The following EHD4 variants were observed in gnomAD, a reference collection of about 807,000 sequenced individuals.
The protein encoded by EHD4 is EH domain-containing protein 4.
A neutral mutation model predicts 51.0 loss-of-function variants in EHD4; 37 were observed. The ratio of observed to expected loss-of-function variants is 0.73; its 90% confidence interval spans 0.56 to 0.95. The LOEUF (loss-of-function observed/expected upper bound fraction) is 0.95. Among genes scored for constraint, EHD4 ranks in the 40% least tolerant of loss-of-function variants. EHD4 has a pLI of 0.00. For synonymous variants in EHD4, 297 were observed against 317.3 expected (o/e 0.94, Z 0.68); for missense variants, 632 against 733.1 (o/e 0.86, Z 1.59).
intron 5 of EHD4, among the ~76,000 whole-genome samples, chr15:41,904,649 A>C (rs754046079): frequency 6.6e-6 from 1 of 152,180 alleles, no homozygotes; most frequent in Non-Finnish European, 1.5e-5. Flanking sequence ...CATTAACCAG[A>C]AGAGTTTTCA....
At position 41,972,324 on chromosome 15, in the gene EHD4, G is replaced by A. The variant is rs2068003262; in HGVS notation, c.171C>T (p.Asp57=). Residue 57 remains aspartate, a synonymous_variant, in exon 1 of 6, where the codon GAC becomes GAT. Transcript: ENST00000220325. ...EFHSPALEDA[D]FENKPMILLV... is the part of the protein sequence containing the mutation. ...GCAGGATCATGGGCTTGTTCTCGAA[G>A]TCGGCGTCCTCCAGCGCAGGCGAGT... 1 of 1,611,250 alleles carries A rather than the reference G, an allele frequency of 6.2e-7. No homozygotes were observed. The highest frequency in any genetic ancestry group is 8.5e-7 in the Non-Finnish European group (1 of 1,178,878).
chr15:41,928,782 G>A (rs2067679512), intron 3 of EHD4: 1 of 152,196 alleles, frequency 6.6e-6, no homozygotes, highest in Non-Finnish European at 1.5e-5. Context: ...CCGAGGAAGA[G>A]GCAGTCCCCA....
At chr15:41,945,447 C>G (rs992313051) in intron 2 of EHD4, among the ~76,000 whole-genome samples, 1 of 152,172 alleles carries the variant, frequency 6.6e-6, no homozygotes, top group Non-Finnish European at 1.5e-5. Flanking sequence ...ACATGGCATA[C>G]AAGCGGGCAA....
intron 4 of EHD4, 88 bp downstream of exon 4, chr15:41,919,122 C>T (rs1049693985): frequency 2.1e-5 from 33 of 1,543,516 alleles, no homozygotes; most frequent in Non-Finnish European, 2.7e-5. Flanking sequence ...CCTTCTGGAA[C>T]GAAGCCTCCT....
chr15:41,966,870 T>G (rs2067964839), intron 1 of EHD4, among the ~76,000 whole-genome samples: 1 of 152,208 alleles, frequency 6.6e-6, no homozygotes, highest in African/African-American at 2.4e-5. Context: ...TCTTTGGTAC[T>G]TTCCCCGGAG....
intron 2 of EHD4, among the ~76,000 whole-genome samples, chr15:41,949,789 A>G (rs924858533): frequency 6.6e-6 from 1 of 152,168 alleles, no homozygotes; most frequent in Non-Finnish European, 1.5e-5. Flanking sequence ...TATACACATT[A>G]CCATTTTTTA....
intron 1 of EHD4, among the ~76,000 whole-genome samples, chr15:41,958,762 G>A (rs755917070): frequency 5.3e-5 from 8 of 152,126 alleles, no homozygotes; most frequent in Non-Finnish European, 1.2e-4. Flanking sequence ...TTGAGGACTC[G>A]TTATGTGCTA....
rs1402624573 is a variant in EHD4, at chr15:41,972,417, G to T, written c.78C>A (p.Gly26=). The T allele has an allele frequency of 5.6e-6, 9 of 1,607,928 alleles. No individual in the cohort carries two copies. Among genetic ancestry groups the T allele is most frequent in the Non-Finnish European group, 7.6e-6 (9 of 1,177,906 alleles). ...GGADAVQTVT[G]GLRSLYLRKV... is the part of the protein sequence containing the mutation. ...TGCGCAGGTAGAGCGAGCGCAGCCC[G>T]CCCGTCACCGTCTGCACCGCGTCCG... The change falls in exon 1 of 6, where the codon GGC becomes GGA. Residue 26 remains glycine (G), a synonymous_variant. Coordinates refer to ENST00000220325, the MANE Select transcript of EHD4 (RefSeq NM_139265.4).
chr15:41,909,864 C>T lies in EHD4; in HGVS notation c.925-1G>A. ...GGTAGCTGATGATGTAGGCATGCAC[C>T]TGGAGGGGTATAGATCAGGCAGGGA... On this transcript the variant is annotated splice_acceptor_variant, in intron 4 of 5. Transcript: ENST00000220325. LOFTEE classifies it high-confidence loss of function. The T allele has an allele frequency of 6.2e-7, 1 of 1,614,176 alleles. No homozygotes were observed. The highest frequency in any genetic ancestry group is 2.2e-5 in the East Asian group (1 of 44,886).
rs1291090361 is a variant in EHD4, at chr15:41,900,694, G to T, written c.1577C>A (p.Pro526His). 3 of 1,606,416 alleles carry T rather than the reference G, an allele frequency of 1.9e-6. No individual in the cohort carries two copies. Among genetic ancestry groups the T allele is most frequent in the Non-Finnish European group, 1.7e-6 (2 of 1,179,202 alleles). ...DGYELPSSLP[P>H]HLVPPSHRKS... ...CCTGTGCGAGGGGGGCACGAGGTGG[G>T]GGGGCAGGCTGCTGGGCAGCTCGTA... Residue 526 changes from proline (P) to histidine (H), a missense_variant, in exon 6 of 6, where the codon CCC becomes CAC. Pro to His is a moderately conservative substitution (Grantham distance 77, BLOSUM62 -2). Coordinates refer to ENST00000220325, the MANE Select transcript of EHD4 (RefSeq NM_139265.4). This position sits in a 1 kb window ranked among gnomAD's most constrained non-coding sequence, Gnocchi z 4.8.
intron 3 of EHD4, among the ~76,000 whole-genome samples, chr15:41,930,152 T>C (rs2067688868): frequency 6.6e-6 from 1 of 152,236 alleles, no homozygotes; most frequent in Admixed American, 6.5e-5. Flanking sequence ...GGAAGGGTTG[T>C]GGAATGTATG....
At position 41,972,299 on chromosome 15, in the gene EHD4, G is replaced by A. The variant is rs375610735; in HGVS notation, c.196C>T (p.Leu66=). ...TTGCCGGTGCTGTACTGGCCCACCA[G>A]CAGGATCATGGGCTTGTTCTCGAAG... ...ADFENKPMIL[L]VGQYSTGKTT... The change falls in exon 1 of 6, where the codon CTG becomes TTG. Residue 66 remains leucine, a synonymous_variant. Coordinates refer to ENST00000220325, the MANE Select transcript of EHD4 (RefSeq NM_139265.4). 43 of 1,610,088 alleles carry A rather than the reference G, an allele frequency of 2.7e-5. No individual in the cohort carries two copies. The African/African-American group carries it at 4.8e-4, about 18-fold the overall frequency.
At chr15:41,931,016 G>A (rs953150005) in intron 3 of EHD4, among the ~76,000 whole-genome samples, 5 of 152,308 alleles carry the variant, frequency 3.3e-5, no homozygotes, top group Non-Finnish European at 4.4e-5. Context: ...AAACAGGCAT[G>A]CCTTCTACAG....
chr15:41,965,763 T>C (rs1380702371), intron 1 of EHD4, among the ~76,000 whole-genome samples: 1 of 152,322 alleles, frequency 6.6e-6, no homozygotes, highest in South Asian at 2.1e-4. Context: ...AGCTTCTGAA[T>C]GTGAGTTAGG....
At chr15:41,952,622 G>A (rs2067859672) in intron 2 of EHD4, among the ~76,000 whole-genome samples, 1 of 152,060 alleles carries the variant, frequency 6.6e-6, no homozygotes, top group African/African-American at 2.4e-5. Flanking sequence ...AAAGGTTATG[G>A]GAGGAGTACA....
intron 1 of EHD4, among the ~76,000 whole-genome samples, chr15:41,963,098 A>G (rs1201056259): frequency 3.3e-5 from 5 of 152,062 alleles, no homozygotes; most frequent in Non-Finnish European, 4.4e-5. Flanking sequence ...AAGGCAGCAT[A>G]CTCCTTAAGA....
intron 3 of EHD4, among the ~76,000 whole-genome samples, chr15:41,933,260 G>A (rs962206276): frequency 8.5e-5 from 13 of 152,138 alleles, no homozygotes; most frequent in African/African-American, 2.7e-4. Flanking sequence ...CCTGCCTGCC[G>A]GGCACAGGTA....
intron 3 of EHD4, among the ~76,000 whole-genome samples, chr15:41,935,867 G>A (rs1281452933): frequency 6.6e-6 from 1 of 152,210 alleles, no homozygotes; most frequent in Non-Finnish European, 1.5e-5. Context: ...GGTTGGGGCT[G>A]GAGTTACCTG....
At chr15:41,954,032 T>C in intron 1 of EHD4, 92 bp from the exon 2 acceptor site, 1 of 1,386,666 alleles carries the variant, frequency 7.2e-7, no homozygotes, top group South Asian at 1.3e-5. Flanking sequence ...TTTTACATAA[T>C]CATTTAAAAA....
Sources: gnomAD v4.1 joint callset for allele counts (sites outside exome capture counted in the v4.1 genomes callset) on GRCh38, gnomAD v4.1.1 for gene constraint, Gnocchi (gnomAD v3.1) non-coding constraint, MANE v1.5 for transcripts, NCBI Gene and HGNC (gene_info 2026-07-23, HGNC 2026-07-21) for gene names.